The following IGSF9B variants were observed in gnomAD, a reference collection of about 807,000 sequenced individuals.
IGSF9B encodes the protein protein turtle homolog B.
IGSF9B carries 48 observed loss-of-function variants against 143.7 expected under a neutral mutation model. The observed-to-expected ratio is 0.33, with a 90% CI of 0.26 to 0.42. IGSF9B has a LOEUF of 0.42. IGSF9B is among the 20% of genes least tolerant of loss of function. IGSF9B has a pLI of 1.00. For synonymous variants in IGSF9B, 903 were observed against 833.1 expected (o/e 1.08, Z -1.44); for missense variants, 1,706 against 1,980.0 (o/e 0.86, Z 2.63).
chr11:133,934,551 A>C (rs1026473398), intron 7 of IGSF9B, among the ~76,000 whole-genome samples: 1 of 152,232 alleles, frequency 6.6e-6, no homozygotes, highest in Non-Finnish European at 1.5e-5. Context: ...AAGTCCTTTA[A>C]GTGGCTGACG....
At chr11:133,939,071 G>A (rs1232098205) in intron 3 of IGSF9B, among the ~76,000 whole-genome samples, 3 of 152,196 alleles carry the variant, frequency 2.0e-5, no homozygotes, top group Admixed American at 1.3e-4. Flanking sequence ...GAGCGCTATA[G>A]GATCTTGTCC....
Position 133,935,815 on chromosome 11 carries a change from G to C in IGSF9B, c.822-53C>G, listed in dbSNP as rs565516395. On this transcript the variant is annotated intron_variant, in intron 6 of 19. Coordinates refer to ENST00000533871, the MANE Select transcript of IGSF9B (RefSeq NM_001277285.4). ...TGGGCGAGCAGAAGGGGATCTTGCC[G>C]CAGACACACAGTCACCGTCACTGCC... 20 of 1,583,970 alleles carry C rather than the reference G, an allele frequency of 1.3e-5. No individual in the cohort carries two copies. The African/African-American group carries it at 1.7e-4, about 14-fold the overall frequency.
chr11:133,926,856 G>A, intron 13 of IGSF9B, 60 bp downstream of exon 13: 1 of 1,438,116 alleles, frequency 7.0e-7, no homozygotes, highest in South Asian at 1.3e-5. Context: ...TAGCTGCCTG[G>A]GCCACCGCCC....
chr11:133,915,509 G>C (rs1387994763), intron 18 of IGSF9B, among the ~76,000 whole-genome samples: 1 of 151,900 alleles, frequency 6.6e-6, no homozygotes, highest in African/African-American at 2.4e-5. Flanking sequence ...GGACTCAAGA[G>C]ATCTGCCCTC....
intron 1 of IGSF9B, among the ~76,000 whole-genome samples, chr11:133,955,486 C>T (rs925917117): frequency 6.6e-6 from 1 of 152,214 alleles, no homozygotes; most frequent in African/African-American, 2.4e-5. Context: ...CCGTGAGAGG[C>T]GCCTCCAGCC....
At chr11:133,918,859 G>A (rs1939447373) in intron 18 of IGSF9B, among the ~76,000 whole-genome samples, 1 of 151,586 alleles carries the variant, frequency 6.6e-6, no homozygotes, top group South Asian at 2.1e-4. Context: ...GCACTACAGA[G>A]GCGTGGCCGG....
intron 1 of IGSF9B, among the ~76,000 whole-genome samples, chr11:133,949,127 C>T (rs1176947046): frequency 6.6e-6 from 1 of 152,130 alleles, no homozygotes; most frequent in Non-Finnish European, 1.5e-5. Flanking sequence ...TCCCAAAGAC[C>T]CTTTCAACCA....
chr11:133,950,651 C>T (rs1373420246), intron 1 of IGSF9B, among the ~76,000 whole-genome samples: 1 of 152,232 alleles, frequency 6.6e-6, no homozygotes, highest in Non-Finnish European at 1.5e-5. Context: ...CAACCCCACA[C>T]TGGGGACAGG....
chr11:133,946,823 T>G (rs1455826152), intron 1 of IGSF9B, among the ~76,000 whole-genome samples: 1 of 152,064 alleles, frequency 6.6e-6, no homozygotes, highest in Admixed American at 6.5e-5. Context: ...GGGTACTCCA[T>G]GCAGGAGCAG....
rs189448957 is a variant in IGSF9B at position 133,920,597 on chromosome 11, G to A, written c.3128C>T (p.Pro1043Leu). The change falls in exon 18 of 20, where the codon CCA becomes CTA. Residue 1043 changes from proline to leucine, a missense_variant. By Grantham distance (98) the Pro-to-Leu change is moderately conservative. Around this residue, in one of 7 missense-constraint regions of IGSF9B, gnomAD observed 880 missense variants for 762.9 expected, o/e 1.15. Coordinates refer to ENST00000533871, the MANE Select transcript of IGSF9B (RefSeq NM_001277285.4). ...GGRSPEPWGR[P>L]EFPFGGLETP... ...CTCCAGCCCCCCGAAGGGGAATTCTGGCCGGCCCCAGGGCTCAGGGGAGCG... is the reference window on the plus strand; with the variant it reads ...CTCCAGCCCCCCGAAGGGGAATTCTAGCCGGCCCCAGGGCTCAGGGGAGCG... 1,272 of 1,613,494 alleles carry A rather than the reference G, an allele frequency of 7.9e-4. 3 individuals are homozygous for A. Among genetic ancestry groups the A allele is most frequent in the South Asian group, 6.6e-4 (60 of 91,082 alleles).
At chr11:133,940,691 A>G (rs977825258) in intron 3 of IGSF9B, among the ~76,000 whole-genome samples, 1 of 144,540 alleles carries the variant, frequency 6.9e-6, no homozygotes, top group African/African-American at 2.6e-5. Context: ...GTGTCATCAC[A>G]TGCAAAAACA....
rs1289894506 is a variant in IGSF9B, at chr11:133,907,127, C to T, written c.*1942G>A. On this transcript the variant is annotated 3_prime_UTR_variant, in exon 20 of 20. Coordinates refer to ENST00000533871, the MANE Select transcript of IGSF9B (RefSeq NM_001277285.4). Reference sequence around the variant, plus strand: ...GGTGCACGGCCCAGTCTCAGAAGCCCCTGCGTGCCTCTCTCACCATGACCC... The same window carrying T: ...GGTGCACGGCCCAGTCTCAGAAGCCTCTGCGTGCCTCTCTCACCATGACCC... Among the ~76,000 whole-genome samples, 4 of 152,130 alleles carry T rather than the reference C, an allele frequency of 2.6e-5. No individual in the cohort carries two copies. The highest frequency in any genetic ancestry group is 4.8e-5 in the African/African-American group (2 of 41,436).
intron 1 of IGSF9B, chr11:133,952,018 C>G (rs575236012): frequency 8.8e-6 from 4 of 455,234 alleles, no homozygotes; most frequent in South Asian, 6.2e-5. Flanking sequence ...CAAGGGGCCA[C>G]AGAGGACAGA....
intron 3 of IGSF9B, 119 bp downstream of exon 3, chr11:133,944,101 G>T (rs192197895): frequency 1.1e-5 from 12 of 1,100,386 alleles, no homozygotes; most frequent in South Asian, 4.9e-5. Context: ...CAACAAGGAG[G>T]GGGGCAGGGG....
chr11:133,911,984 T>A lies in IGSF9B; in HGVS notation c.4007A>T (p.Asn1336Ile). The A allele has an allele frequency of 6.5e-7, 1 of 1,532,632 alleles. No individual in the cohort carries two copies. The highest frequency in any genetic ancestry group is 8.7e-7 in the Non-Finnish European group (1 of 1,145,908). 94.9% of individuals were successfully genotyped at this position (1,532,632 alleles called of 1,614,324 possible). A position where few individuals can be genotyped will look rare whatever the true frequency, so the allele number is the denominator to read the frequency against. ...CTCCAGCCTCTCAGGCGCAGCAGCG[T>A]TCCCGGGTGCAGGTGGAAGTGTTCT... is the stretch of plus-strand genomic sequence containing the variant. ...TSGTLPPAPG[N>I]AAAPERLEAL... is the part of the protein sequence containing the mutation. The change falls in exon 19 of 20, where the codon AAC becomes ATC. Residue 1336 changes from asparagine (N) to isoleucine (I), a missense_variant. By Grantham distance (149) the Asn-to-Ile change is moderately radical. Around this residue, in one of 7 missense-constraint regions of IGSF9B, gnomAD observed 880 missense variants for 762.9 expected, o/e 1.15. Coordinates refer to ENST00000533871, the MANE Select transcript of IGSF9B (RefSeq NM_001277285.4).
Position 133,920,435 on chromosome 11 carries a change from A to C in IGSF9B, c.3290T>G (p.Leu1097Arg). ...VPAAYPGILS[L>R]EAPKGWAGKS... ...GCCTGCCCAACCCTTCGGTGCCTCCAGAGACAGGATGCCCGGGTAGGCCGC... is the reference window on the plus strand; with the variant it reads ...GCCTGCCCAACCCTTCGGTGCCTCCCGAGACAGGATGCCCGGGTAGGCCGC... The change falls in exon 18 of 20, where the codon CTG (leucine) becomes CGG (arginine). Residue 1097 changes from leucine (L) to arginine (R), a missense_variant. Around this residue, in one of 7 missense-constraint regions of IGSF9B, gnomAD observed 880 missense variants for 762.9 expected, o/e 1.15. Transcript: ENST00000533871. The C allele has an allele frequency of 1.2e-5, 19 of 1,577,016 alleles. No individual in the cohort carries two copies. The highest frequency in any genetic ancestry group is 1.3e-5 in the Non-Finnish European group (15 of 1,163,242).
chr11:133,936,244 C>T (rs764121822), intron 5 of IGSF9B, 50 bp from the exon 6 acceptor site: 11 of 1,568,514 alleles, frequency 7.0e-6, no homozygotes, highest in African/African-American at 1.4e-5. Context: ...GGGACGGCAG[C>T]AGCACCCAGG....
rs918443378 is a variant in IGSF9B, at chr11:133,948,556, A to C, written c.65-2298T>G. Among the ~76,000 whole-genome samples the C allele has an allele frequency of 6.6e-6, 1 of 150,746 alleles. No individual in the cohort carries two copies. The highest frequency in any genetic ancestry group is 2.4e-5 in the African/African-American group (1 of 41,066). On this transcript the variant is annotated intron_variant, in intron 1 of 19. Coordinates refer to ENST00000533871, the MANE Select transcript of IGSF9B (RefSeq NM_001277285.4). The surrounding 1 kb of genome is among the most constrained non-coding windows in gnomAD (Gnocchi z 4.7). The stretch of plus-strand genomic sequence containing the variant: ...CTGCCTCCCAGCAGCCAGGATCACA[A>C]AGGCGGATGCTGGACCAAGAGGAAT...
rs1376417086 is a variant in IGSF9B, at chr11:133,901,353, T to C, written c.*7716A>G. The C allele has an allele frequency of 2.7e-5, 4 of 150,126 alleles. No homozygotes were observed. Among genetic ancestry groups the C allele is most frequent in the Non-Finnish European group, 6.0e-5 (4 of 66,962 alleles). The allele number at this position is 150,126 out of a possible 1,614,324, so 9.3% of individuals were successfully genotyped here. The stretch of plus-strand genomic sequence containing the variant: ...TGGGAAGGTAGCACTGCTCAAAACA[T>C]CTCTAAGCACAGGTACAAAAATAAA... On this transcript the variant is annotated 3_prime_UTR_variant, in exon 20 of 20. Coordinates refer to ENST00000533871, the MANE Select transcript of IGSF9B (RefSeq NM_001277285.4).
Sources: gnomAD v4.1 joint callset for allele counts (sites outside exome capture counted in the v4.1 genomes callset) on GRCh38, gnomAD v4.1.1 for gene constraint, gnomAD v4.1.1 regional missense constraint, Gnocchi (gnomAD v3.1) non-coding constraint, MANE v1.5 for transcripts, NCBI Gene and HGNC (gene_info 2026-07-23, HGNC 2026-07-21) for gene names.